CDH12: variants seen among roughly 807,000 people sequenced by gnomAD.
The protein encoded by CDH12 is cadherin 12, also known as cadherin-12.
CDH12 carries 41 observed loss-of-function variants against 74.1 expected under a neutral mutation model. The observed-to-expected ratio is 0.55, with a 90% CI of 0.43 to 0.72. The LOEUF (loss-of-function observed/expected upper bound fraction) is 0.72, where lower values mean the gene tolerates loss of function less well. Among genes scored for constraint, CDH12 ranks in the 30% least tolerant of loss-of-function variants. The probability of loss-of-function intolerance (pLI) is 0.00; values close to 1 mark genes in which losing one functional copy is unlikely to be tolerated. For synonymous variants in CDH12, 399 were observed against 355.0 expected, an observed-to-expected ratio of 1.12 and a Z score of -1.39; for missense variants, 945 against 977.2, an observed-to-expected ratio of 0.97 and a Z score of 0.44.
chr5:21,824,495 T>C (rs1748550475), intron 8 of CDH12, among the ~76,000 whole-genome samples: 1 of 152,144 alleles, frequency 6.6e-6, no homozygotes, highest in African/African-American at 2.4e-5. Flanking sequence ...TAACATAATG[T>C]TGGGTTGGTT....
chr5:22,142,508 T>A, intron 4 of CDH12: 2 of 687,420 alleles, frequency 2.9e-6, no homozygotes, highest in East Asian at 7.8e-5. Context: ...GGATACCGAA[T>A]CAACACAAGA....
intron 3 of CDH12, among the ~76,000 whole-genome samples, chr5:22,338,447 G>C (rs1268783359): frequency 3.3e-5 from 5 of 151,954 alleles, no homozygotes; most frequent in Non-Finnish European, 4.4e-5. Flanking sequence ...GAGGGTGGTG[G>C]GAAACTGGAG....
intron 3 of CDH12, among the ~76,000 whole-genome samples, chr5:22,340,837 A>G (rs1184232712): frequency 1.3e-5 from 2 of 152,176 alleles, no homozygotes; most frequent in Non-Finnish European, 2.9e-5. Context: ...CATTTCATTT[A>G]TTCTTCAGAA....
intron 3 of CDH12, among the ~76,000 whole-genome samples, chr5:22,338,003 C>T (rs933091782): frequency 6.6e-6 from 1 of 152,158 alleles, no homozygotes; most frequent in Non-Finnish European, 1.5e-5. Context: ...CTCTGCAGAA[C>T]TCTTTGGAGC....
At chr5:22,071,157 T>A (rs1741915030) in intron 5 of CDH12, among the ~76,000 whole-genome samples, 1 of 152,024 alleles carries the variant, frequency 6.6e-6, no homozygotes, top group African/African-American at 2.4e-5. Context: ...AAAATAATAA[T>A]AAAATTGTTT....
chr5:22,387,321 G>A (rs1344201773), intron 3 of CDH12, among the ~76,000 whole-genome samples: 1 of 151,862 alleles, frequency 6.6e-6, no homozygotes, highest in Non-Finnish European at 1.5e-5. Context: ...AAAAAGTAAT[G>A]TGTTATTAAT....
At chr5:22,666,358 C>T (rs2355850) in intron 1 of CDH12, among the ~76,000 whole-genome samples, 76,784 of 145,362 alleles carry the variant, frequency 0.53, 20,809 homozygotes, top group Non-Finnish European at 0.59. Context: ...GGCACGATCT[C>T]GGCTCACTGC....
intron 5 of CDH12, among the ~76,000 whole-genome samples, chr5:22,004,557 G>A (rs1308622533): frequency 1.3e-5 from 2 of 152,164 alleles, no homozygotes; most frequent in African/African-American, 4.8e-5. Context: ...TACCTAGAGA[G>A]CTATTCCCTA....
At chr5:21,898,506 T>C (rs939247831) in intron 6 of CDH12, among the ~76,000 whole-genome samples, 1 of 151,802 alleles carries the variant, frequency 6.6e-6, no homozygotes, top group African/African-American at 2.4e-5. Context: ...ATCGAGACCA[T>C]CCTGGCTGAC....
In CDH12 at chr5:22,446,997, C is replaced by T. The variant is rs570104358; in HGVS notation, c.-427-41646G>A. 3.3e-5 allele frequency among the ~76,000 whole-genome samples: 5 copies of T among 152,200 alleles called. No homozygotes were observed. In the South Asian group the frequency reaches 8.3e-4, roughly 25 times the overall value. ...GTGTGTTCCCTGTATATAACACTAA[C>T]AGCAAACTTAAATACTGGATATTCC... On this transcript the variant is annotated intron_variant, in intron 2 of 14. Transcript: ENST00000382254.
At chr5:22,764,729 CTTCCGCGGCA>C (rs1746410555) in intron 1 of CDH12, among the ~76,000 whole-genome samples, 1 of 152,016 alleles carries the variant, frequency 6.6e-6, no homozygotes, top group Admixed American at 6.6e-5. Context: ...AACAACATCA[CTTCCGCGGCA>C]TTCCTGCGCA....
chr5:22,005,939 G>T (rs560229798), intron 5 of CDH12, among the ~76,000 whole-genome samples: 16 of 152,198 alleles, frequency 1.1e-4, no homozygotes, highest in African/African-American at 3.6e-4. Context: ...GCAGCTTATA[G>T]GTCACCTTTG....
chr5:22,347,431 C>T (rs1263889898), intron 3 of CDH12, among the ~76,000 whole-genome samples: 1 of 152,180 alleles, frequency 6.6e-6, no homozygotes, highest in Non-Finnish European at 1.5e-5. Context: ...TAGACCTACA[C>T]CAGCGGTTTG....
chr5:22,569,285 T>C (rs929896598), intron 1 of CDH12, among the ~76,000 whole-genome samples: 2 of 152,142 alleles, frequency 1.3e-5, no homozygotes, highest in African/African-American at 4.8e-5. Flanking sequence ...CAATAGTAAG[T>C]ATTCTTGAGA....
chr5:22,444,584 T>A (rs921085982), intron 2 of CDH12, among the ~76,000 whole-genome samples: 8 of 151,938 alleles, frequency 5.3e-5, no homozygotes, highest in Non-Finnish European at 8.8e-5. Context: ...AAAAGATGTT[T>A]ACCTGGTTTG....
intron 1 of CDH12, among the ~76,000 whole-genome samples, chr5:22,825,121 C>G (rs1736215489): frequency 6.6e-6 from 1 of 152,038 alleles, no homozygotes; most frequent in Non-Finnish European, 1.5e-5. Flanking sequence ...TCCATTCACA[C>G]AAAAGCTATT....
At chr5:21,839,259 T>G (rs565042808) in intron 8 of CDH12, among the ~76,000 whole-genome samples, 1 of 152,320 alleles carries the variant, frequency 6.6e-6, no homozygotes, top group Admixed American at 6.5e-5. Context: ...TTTTCCTTAA[T>G]AACAAAATAA....
intron 5 of CDH12, among the ~76,000 whole-genome samples, chr5:22,037,700 T>G (rs1374072061): frequency 6.6e-6 from 1 of 152,154 alleles, no homozygotes; most frequent in Non-Finnish European, 1.5e-5. Flanking sequence ...TAGAGAGTGA[T>G]GTCAGCAAGA....
intron 1 of CDH12, among the ~76,000 whole-genome samples, chr5:22,843,413 G>A (rs1737164923): frequency 6.6e-6 from 1 of 152,126 alleles, no homozygotes; most frequent in Middle Eastern, 3.4e-3. Flanking sequence ...CCCCATGGTT[G>A]TCATCTCTAC....
Sources: allele counts gnomAD v4.1 joint callset (sites outside exome capture counted in the v4.1 genomes callset), GRCh38; gene constraint gnomAD v4.1.1; transcripts MANE v1.5; gene names NCBI Gene and HGNC (gene_info 2026-07-23, HGNC 2026-07-21).